PRPS2: variants seen among roughly 807,000 people sequenced by gnomAD.
PRPS2 encodes phosphoribosyl pyrophosphate synthetase 2, also known as ribose-phosphate pyrophosphokinase 2.
For synonymous variants in PRPS2, 111 were observed against 115.3 expected (o/e 0.96, Z 0.24); for missense variants, 104 against 271.5 (o/e 0.38, Z 4.34).
At chrX:12,812,413 G>C (rs1439278949) in intron 4 of PRPS2, among the ~76,000 whole-genome samples, 1 of 111,965 alleles carries the variant, frequency 8.9e-6, no homozygotes, top group East Asian at 2.8e-4. Flanking sequence ...GATCGCTTGA[G>C]GTCAGGAGTT....
chrX:12,801,375 A>G (rs1300084614), intron 2 of PRPS2, among the ~76,000 whole-genome samples: 1 of 111,152 alleles, frequency 9.0e-6, no homozygotes, highest in Non-Finnish European at 1.9e-5. Context: ...TTTTATTTTA[A>G]ACTTGATTTA....
chrX:12,819,988 C>T (rs2042667944), intron 5 of PRPS2, among the ~76,000 whole-genome samples: 1 of 111,882 alleles, frequency 8.9e-6, no homozygotes, highest in South Asian at 3.7e-4. Context: ...AGCTTCCTTC[C>T]ATTTGGCTTT....
chrX:12,797,513 ATGTT>A (rs1042675961), intron 1 of PRPS2, among the ~76,000 whole-genome samples: 17 of 111,844 alleles, frequency 1.5e-4, no homozygotes, highest in African/African-American at 5.5e-4. Flanking sequence ...GTACATGTGT[ATGTT>A]TGTGTATTTC....
At chrX:12,819,833 C>T (rs141835296) in intron 5 of PRPS2, among the ~76,000 whole-genome samples, 153 bp downstream of exon 5, 1,473 of 112,777 alleles carry the variant, frequency 0.013, 13 homozygotes, top group South Asian at 0.021. Flanking sequence ...TATCTTTATA[C>T]TTCTTTCTCT....
At chrX:12,808,016 C>T (rs991367863) in intron 2 of PRPS2, among the ~76,000 whole-genome samples, 3 of 108,665 alleles carry the variant, frequency 2.8e-5, no homozygotes, top group Non-Finnish European at 5.7e-5. Context: ...TACAGGCGCC[C>T]GCCACCACGC....
intron 2 of PRPS2, among the ~76,000 whole-genome samples, chrX:12,808,908 G>T (rs753066320): frequency 1.8e-5 from 2 of 110,977 alleles, no homozygotes; most frequent in South Asian, 3.8e-4. Context: ...TCTCTCTCTC[G>T]GTACCTTTTA....
At chrX:12,794,358 C>T (rs907832933) in intron 1 of PRPS2, among the ~76,000 whole-genome samples, 6 of 111,704 alleles carry the variant, frequency 5.4e-5, no homozygotes, top group Non-Finnish European at 9.4e-5. Flanking sequence ...AGCATGGAAG[C>T]TGGGTTCTAA....
intron 4 of PRPS2, among the ~76,000 whole-genome samples, chrX:12,810,832 AGAGT>A (rs1242915595): frequency 9.3e-6 from 1 of 107,687 alleles, no homozygotes; most frequent in Admixed American, 9.9e-5. Flanking sequence ...CCTGGGTAAC[AGAGT>A]GAGACCCTGA....
chrX:12,804,392 T>C (rs1176582709), intron 2 of PRPS2, among the ~76,000 whole-genome samples: 5 of 111,220 alleles, frequency 4.5e-5, no homozygotes, highest in African/African-American at 1.6e-4. Flanking sequence ...TCTGCTCACC[T>C]CGGCCTCCCA....
At chrX:12,818,084 A>G (rs1260413899) in intron 4 of PRPS2, among the ~76,000 whole-genome samples, 3 of 111,716 alleles carry the variant, frequency 2.7e-5, no homozygotes, top group East Asian at 5.6e-4. Context: ...GAAAAGAAAC[A>G]CTGGCTGGGC....
intron 2 of PRPS2, among the ~76,000 whole-genome samples, chrX:12,804,619 C>G (rs1225168853): frequency 1.8e-5 from 2 of 111,151 alleles, no homozygotes; most frequent in South Asian, 7.7e-4. Context: ...CTTAGAATCT[C>G]TTAGACAAGT....
chrX:12,802,630 C>T (rs1430028012), intron 2 of PRPS2, among the ~76,000 whole-genome samples: 4 of 112,410 alleles, frequency 3.6e-5, no homozygotes, highest in Non-Finnish European at 5.6e-5. Context: ...TGAGCCATCG[C>T]GCCCAGCCGG....
At chrX:12,792,288 G>T (rs978411286) in intron 1 of PRPS2, among the ~76,000 whole-genome samples, 1 of 112,401 alleles carries the variant, frequency 8.9e-6, no homozygotes, top group Non-Finnish European at 1.9e-5. Flanking sequence ...GTGCAGTTGT[G>T]CCAAGGTTTG....
chrX:12,808,021 C>G (rs2042602680), intron 2 of PRPS2, among the ~76,000 whole-genome samples: 1 of 109,557 alleles, frequency 9.1e-6, no homozygotes, highest in Non-Finnish European at 1.9e-5. Flanking sequence ...GCGCCCGCCA[C>G]CACGCCTGGC....
intron 1 of PRPS2, among the ~76,000 whole-genome samples, chrX:12,794,599 G>T (rs766719683): frequency 4.6e-4 from 51 of 112,083 alleles, no homozygotes; most frequent in Admixed American, 3.6e-3. Flanking sequence ...GCTCTTCAGC[G>T]TTTTTATTTG....
chrX:12,814,062 C>G (rs772288439), intron 4 of PRPS2, among the ~76,000 whole-genome samples: 1 of 45,924 alleles, frequency 2.2e-5, no homozygotes, highest in African/African-American at 9.2e-5. Context: ...AGAATCCAGC[C>G]CCCCCACCCC....
At chrX:12,797,452 A>G (rs893439404) in intron 1 of PRPS2, among the ~76,000 whole-genome samples, 2 of 111,710 alleles carry the variant, frequency 1.8e-5, no homozygotes, top group African/African-American at 6.5e-5. Context: ...AATGACATGA[A>G]AAGTTGTGAC....
chrX:12,797,544 G>C (rs1003772355), intron 1 of PRPS2, among the ~76,000 whole-genome samples: 4 of 111,475 alleles, frequency 3.6e-5, no homozygotes, highest in Non-Finnish European at 7.5e-5. Context: ...GCTCCATTCA[G>C]CTGGGTACAC....
chrX:12,798,858 A>G (rs771189785), intron 1 of PRPS2, among the ~76,000 whole-genome samples: 2 of 111,728 alleles, frequency 1.8e-5, no homozygotes, highest in Non-Finnish European at 3.8e-5. Flanking sequence ...TGACCAGCCC[A>G]CAATACAAAC....
Sources: gnomAD v4.1 joint callset for allele counts (sites outside exome capture counted in the v4.1 genomes callset) on GRCh38, gnomAD v4.1.1 for gene constraint, MANE v1.5 for transcripts, NCBI Gene and HGNC (gene_info 2026-07-23, HGNC 2026-07-21) for gene names.